ABLIM1: variants seen among roughly 807,000 people sequenced by gnomAD.
ABLIM1 encodes the protein actin-binding LIM protein 1.
ABLIM1 carries 40 observed loss-of-function variants against 107.0 expected under a neutral mutation model. That is an observed-to-expected ratio of 0.37 (90% CI 0.29 to 0.49). ABLIM1 has a LOEUF of 0.49. Ranked by LOEUF, ABLIM1 falls within the 20% of genes least tolerant of loss-of-function variation. ABLIM1 has a pLI of 0.97. For missense variants in ABLIM1, 857 were observed against 1,008.5 expected (o/e 0.85, Z 2.04); for synonymous variants, 357 against 357.3 (o/e 1.00, Z 0.01).
chr10:114,754,239 G>T (rs1015948236), intron 1 of ABLIM1, among the ~76,000 whole-genome samples: 2 of 152,172 alleles, frequency 1.3e-5, no homozygotes, highest in African/African-American at 2.4e-5. Context: ...AAAGGACAGA[G>T]AAATTTGTAG....
chr10:114,553,611 G>C (rs1389539236), intron 4 of ABLIM1, among the ~76,000 whole-genome samples: 1 of 152,202 alleles, frequency 6.6e-6, no homozygotes, highest in Non-Finnish European at 1.5e-5. Flanking sequence ...AGGGTTACAG[G>C]ATCCTGTTAG....
chr10:114,524,424 CA>C (rs1424897695), intron 6 of ABLIM1, among the ~76,000 whole-genome samples: 1 of 152,066 alleles, frequency 6.6e-6, no homozygotes, highest in Non-Finnish European at 1.5e-5. Flanking sequence ...ACTCACAAAA[CA>C]AGGCCCAATT....
At chr10:114,577,338 C>T (rs2072723946) in intron 2 of ABLIM1, among the ~76,000 whole-genome samples, 1 of 152,160 alleles carries the variant, frequency 6.6e-6, no homozygotes, top group Admixed American at 6.5e-5. Context: ...TTTTTCCAAA[C>T]TTAGGATTTC....
At chr10:114,800,774 T>C in the ABLIM1 span, among the ~76,000 whole-genome samples, 1 of 152,126 alleles carries the variant, frequency 6.6e-6, no homozygotes, top group Non-Finnish European at 1.5e-5. Flanking sequence ...TAGCCAGGCA[T>C]GGCGCATGCC....
At chr10:114,455,140 C>T (rs2062562686) in intron 12 of ABLIM1, among the ~76,000 whole-genome samples, 1 of 151,978 alleles carries the variant, frequency 6.6e-6, no homozygotes, top group South Asian at 2.1e-4. Context: ...TTTAATGTCT[C>T]AGCATGTACA....
At chr10:114,468,324 G>C (rs1348032372) in intron 10 of ABLIM1, 108 bp from the exon 11 acceptor site, 4 of 1,049,762 alleles carry the variant, frequency 3.8e-6, no homozygotes, top group Non-Finnish European at 5.9e-6. Flanking sequence ...GCCCAGGCTG[G>C]AGTGCAGTGG....
At chr10:114,441,692 C>A in intron 18 of ABLIM1, 30 bp downstream of exon 18, 1 of 1,599,584 alleles carries the variant, frequency 6.3e-7, no homozygotes. Context: ...GGAGTAAAGG[C>A]AGAAACAATG....
chr10:114,531,544 G>T (rs1052832004), intron 6 of ABLIM1, among the ~76,000 whole-genome samples: 1 of 152,168 alleles, frequency 6.6e-6, no homozygotes, highest in Non-Finnish European at 1.5e-5. Context: ...TTGAGACAGA[G>T]TCTTGCTCTG....
chr10:114,525,971 G>C (rs752299093), intron 6 of ABLIM1, among the ~76,000 whole-genome samples: 1 of 151,914 alleles, frequency 6.6e-6, no homozygotes, highest in Non-Finnish European at 1.5e-5. Context: ...AGTATGATTC[G>C]ATTAATAACT....
the ABLIM1 span, among the ~76,000 whole-genome samples, chr10:114,783,047 C>T: frequency 1.7e-4 from 26 of 151,932 alleles, 1 homozygote; most frequent in East Asian, 3.3e-3. Flanking sequence ...TTTGGGAGGC[C>T]GAGGCAGATG....
intron 1 of ABLIM1, among the ~76,000 whole-genome samples, chr10:114,628,472 G>T (rs2140625483): frequency 6.6e-6 from 1 of 152,312 alleles, no homozygotes; most frequent in South Asian, 2.1e-4. Flanking sequence ...TGCCTTGTGG[G>T]TATGTGTATG....
intron 1 of ABLIM1, among the ~76,000 whole-genome samples, chr10:114,703,125 G>A (rs924914567): frequency 1.3e-5 from 2 of 152,028 alleles, no homozygotes; most frequent in Non-Finnish European, 2.9e-5. Context: ...ACATGGAATC[G>A]CCTTTGTAAA....
chr10:114,598,051 C>A (rs2075607461), intron 2 of ABLIM1, among the ~76,000 whole-genome samples: 1 of 152,080 alleles, frequency 6.6e-6, no homozygotes, highest in African/African-American at 2.4e-5. Context: ...GTGGGCAGAT[C>A]ACCTGAGGTC....
At chr10:114,544,773 C>T (rs1163423403) in intron 6 of ABLIM1, among the ~76,000 whole-genome samples, 2 of 152,104 alleles carry the variant, frequency 1.3e-5, no homozygotes, top group Non-Finnish European at 2.9e-5. Context: ...CCTACCAGAA[C>T]CTTTATCATT....
the ABLIM1 span, among the ~76,000 whole-genome samples, chr10:114,781,152 G>A: frequency 6.6e-6 from 1 of 152,150 alleles, no homozygotes; most frequent in South Asian, 2.1e-4. Flanking sequence ...TGTATTGTTT[G>A]TGTGTACTCT....
chr10:114,526,791 C>T (rs549734481), intron 6 of ABLIM1: 170 of 985,562 alleles, frequency 1.7e-4, no homozygotes, highest in Non-Finnish European at 1.9e-4. Flanking sequence ...CAGACTGAGG[C>T]TCCCACCTGC....
intron 1 of ABLIM1, among the ~76,000 whole-genome samples, chr10:114,694,230 G>A (rs1005350355): frequency 7.2e-5 from 11 of 152,138 alleles, no homozygotes; most frequent in Non-Finnish European, 1.6e-4. Context: ...CACTCATAAG[G>A]TAGCAAACCA....
intron 6 of ABLIM1, chr10:114,527,073 A>C: frequency 5.9e-6 from 4 of 682,456 alleles, no homozygotes; most frequent in Non-Finnish European, 7.2e-6. Flanking sequence ...TATTGTCTGC[A>C]TGTGAAACCG....
chr10:114,794,235 C>T, the ABLIM1 span, among the ~76,000 whole-genome samples: 1 of 152,256 alleles, frequency 6.6e-6, no homozygotes, highest in Non-Finnish European at 1.5e-5. Context: ...TCGCTATCCT[C>T]TTACCCTGCT....
Sources: allele counts gnomAD v4.1 joint callset (sites outside exome capture counted in the v4.1 genomes callset), GRCh38; gene constraint gnomAD v4.1.1; transcripts MANE v1.5; gene names NCBI Gene and HGNC (gene_info 2026-07-23, HGNC 2026-07-21).